SNX14: variants seen among roughly 807,000 people sequenced by gnomAD.
SNX14 encodes the protein sorting nexin 14.
In SNX14, 93 loss-of-function variants were observed where a neutral mutation model predicts 133.8. That is an observed-to-expected ratio of 0.70 (90% CI 0.59 to 0.83). SNX14 has a LOEUF of 0.83. Ranked by LOEUF, SNX14 falls within the 40% of genes least tolerant of loss-of-function variation. The probability of loss-of-function intolerance (pLI) is 0.00; values close to 1 mark genes in which losing one functional copy is unlikely to be tolerated. For missense variants in SNX14, 945 were observed against 1,094.9 expected (o/e 0.86, Z 1.93); for synonymous variants, 368 against 365.6 (o/e 1.01, Z -0.07).
chr6:85,575,183 C>T (rs189522920), intron 1 of SNX14, among the ~76,000 whole-genome samples: 63 of 152,258 alleles, frequency 4.1e-4, no homozygotes, highest in Non-Finnish European at 7.8e-4. Context: ...ATATAATGGG[C>T]AATGTGTGTC....
chr6:85,523,485 A>G (rs769317046), intron 21 of SNX14, among the ~76,000 whole-genome samples: 13 of 152,184 alleles, frequency 8.5e-5, no homozygotes, highest in Non-Finnish European at 1.3e-4. Flanking sequence ...AACTAAAAAC[A>G]TGTGTAAGGC....
rs1249162744 is a variant in SNX14, at chr6:85,547,773, T to C, written c.868-223A>G. Among the ~76,000 whole-genome samples, 7 of 152,374 alleles carry C rather than the reference T, an allele frequency of 4.6e-5. 1 individual carries two copies. The highest frequency in any genetic ancestry group is 3.4e-3 in the Middle Eastern group (1 of 294). On this transcript the variant is annotated intron_variant, in intron 9 of 28. Coordinates refer to ENST00000314673, the MANE Select transcript of SNX14 (RefSeq NM_153816.6). ...TGGGCAAATAAAAGCTATTCTGATT[T>C]TGGCATTTAAAATATTTCTAAATCA... is the stretch of plus-strand genomic sequence containing the variant.
chr6:85,545,483 A>G (rs1025469062), intron 12 of SNX14, among the ~76,000 whole-genome samples: 1 of 152,226 alleles, frequency 6.6e-6, no homozygotes, highest in African/African-American at 2.4e-5. Context: ...AAGAAAGATG[A>G]TGTGGCTATA....
rs754304184 is a variant in SNX14, at chr6:85,508,025, C to A, written c.2688G>T (p.Lys896Asn). 6.2e-6 allele frequency: 10 copies of A among 1,613,052 alleles called. No homozygotes were observed. The highest frequency in any genetic ancestry group is 8.5e-6 in the Non-Finnish European group (10 of 1,179,440). The part of the protein sequence containing the change: ...LLVKCIGEET[K>N]YESIRLLFDG... Reference sequence around the variant, plus strand: ...CAAACAGAAGTCTGATGCTTTCATACTTGGTTTCTTCACCAATACACTTGA... The same window carrying A: ...CAAACAGAAGTCTGATGCTTTCATAATTGGTTTCTTCACCAATACACTTGA... Residue 896 changes from lysine (K) to asparagine (N), a missense_variant, in exon 27 of 29, where the codon AAG (lysine) becomes AAT (asparagine). Transcript: ENST00000314673.
chr6:85,565,472 CCTT>C, intron 5 of SNX14, 53 bp from the exon 6 acceptor site: 1 of 1,340,772 alleles, frequency 7.5e-7, no homozygotes, highest in South Asian at 1.4e-5. Context: ...TACAGTTTCA[CCTT>C]CTACAATCCA....
chr6:85,583,823 CAAAGT>C (rs1327744482), intron 1 of SNX14, among the ~76,000 whole-genome samples: 1 of 151,968 alleles, frequency 6.6e-6, no homozygotes, highest in Non-Finnish European at 1.5e-5. Context: ...CCATACTGCC[CAAAGT>C]AATTTATAGA....
intron 7 of SNX14, among the ~76,000 whole-genome samples, chr6:85,553,280 A>G (rs966634796): frequency 6.6e-6 from 1 of 152,200 alleles, no homozygotes; most frequent in African/African-American, 2.4e-5. Flanking sequence ...TTAGCAAAGA[A>G]CATAGTTTTT....
intron 1 of SNX14, among the ~76,000 whole-genome samples, chr6:85,586,028 T>C (rs1583145277): frequency 6.8e-6 from 1 of 147,444 alleles, no homozygotes; most frequent in Non-Finnish European, 1.5e-5. Flanking sequence ...ATTGAGCCTA[T>C]AGATCAAACA....
intron 4 of SNX14, chr6:85,568,324 T>C (rs1245093136): frequency 1.3e-5 from 2 of 152,114 alleles, no homozygotes; most frequent in Non-Finnish European, 2.9e-5. Flanking sequence ...GCAGCTAAGA[T>C]TTATGTAAGG....
At chr6:85,565,035 TAGAA>T (rs1296557762) in intron 6 of SNX14, among the ~76,000 whole-genome samples, 1 of 151,968 alleles carries the variant, frequency 6.6e-6, no homozygotes, top group Non-Finnish European at 1.5e-5. Flanking sequence ...AAGATACACT[TAGAA>T]AGAGTAAGAC....
At chr6:85,508,379 C>G (rs575986756) in intron 26 of SNX14, 26 of 1,008,610 alleles carry the variant, frequency 2.6e-5, no homozygotes, top group Non-Finnish European at 3.1e-5. Context: ...TATTACCCCA[C>G]TAAGGGAAAA....
At chr6:85,587,069 A>T (rs1192220499) in intron 1 of SNX14, among the ~76,000 whole-genome samples, 1 of 151,908 alleles carries the variant, frequency 6.6e-6, no homozygotes, top group African/African-American at 2.4e-5. Flanking sequence ...AGAGAGAGAC[A>T]GTGTTTTTCT....
At chr6:85,514,316 G>A in intron 24 of SNX14, 82 bp from the exon 25 acceptor site, 1 of 1,515,022 alleles carries the variant, frequency 6.6e-7, no homozygotes, top group Non-Finnish European at 8.9e-7. Flanking sequence ...AAACACAAAT[G>A]ACCATGGTCA....
chr6:85,511,274 C>A (rs1197149418), intron 26 of SNX14, among the ~76,000 whole-genome samples: 2 of 152,130 alleles, frequency 1.3e-5, no homozygotes, highest in East Asian at 3.8e-4. Flanking sequence ...TATATCCTAC[C>A]ACCCTGGTAA....
chr6:85,510,637 A>T (rs1019611849), intron 26 of SNX14, among the ~76,000 whole-genome samples: 2 of 152,176 alleles, frequency 1.3e-5, no homozygotes, highest in African/African-American at 2.4e-5. Context: ...AAGATTATCA[A>T]TTATTTCGTC....
At chr6:85,511,936 A>G (rs1309413693) in intron 26 of SNX14, among the ~76,000 whole-genome samples, 2 of 152,216 alleles carry the variant, frequency 1.3e-5, no homozygotes, top group Non-Finnish European at 2.9e-5. Flanking sequence ...GTGATAAAAT[A>G]TGGAGGGAGA....
In SNX14 at chr6:85,543,934, A is replaced by G. The variant is rs1467815593; in HGVS notation, c.1109-174T>C. On this transcript the variant is annotated intron_variant, in intron 12 of 28. Coordinates refer to ENST00000314673, the MANE Select transcript of SNX14 (RefSeq NM_153816.6). ...AAAATAACTACTCAATAAAAGAGAA[A>G]TGCAATCAACCAGTTTTTATACATT... 6 of 306,198 alleles carry G rather than the reference A, an allele frequency of 2.0e-5. No individual in the cohort carries two copies. In the East Asian group the frequency reaches 3.4e-4, roughly 17 times the overall value. 19.0% of individuals were successfully genotyped at this position (306,198 alleles called of 1,614,324 possible).
rs919251493 is a variant in SNX14 at position 85,587,965 on chromosome 6, C to T, written c.140+5614G>A. ...ACAAACTGCTTCAGCAGGGGAGGAG[C>T]GGGGGGCAGGGTGTGTGTGGAAACT... is the stretch of plus-strand genomic sequence containing the variant. On this transcript the variant is annotated intron_variant, in intron 1 of 28. Transcript: ENST00000314673. 4.5e-4 allele frequency among the ~76,000 whole-genome samples: 69 copies of T among 151,962 alleles called. 1 individual carries two copies. The highest frequency in any genetic ancestry group is 1.6e-3 in the African/African-American group (67 of 41,362).
rs1336977603 is a variant in SNX14 at position 85,593,823 on chromosome 6, C to A, written c.-105G>T. On this transcript the variant is annotated 5_prime_UTR_variant, in exon 1 of 29. Transcript: ENST00000314673. ...CGCCCCACCGACTTGGCGGCGCACA[C>A]AGACGCCTACCGGCAGTTAGCCGCC... 7 of 1,559,934 alleles carry A rather than the reference C, an allele frequency of 4.5e-6. No individual in the cohort carries two copies. In the Admixed American group the frequency reaches 1.3e-4, roughly 29 times the overall value.
Sources: allele counts gnomAD v4.1 joint callset (sites outside exome capture counted in the v4.1 genomes callset), GRCh38; gene constraint gnomAD v4.1.1; transcripts MANE v1.5; gene names NCBI Gene and HGNC (gene_info 2026-07-23, HGNC 2026-07-21).